Variants in UBR2 observed in about 807,000 individuals in gnomAD.
The protein encoded by UBR2 is E3 ubiquitin-protein ligase UBR2.
A neutral mutation model predicts 247.9 loss-of-function variants in UBR2; 92 were observed. The observed-to-expected ratio is 0.37, with a 90% CI of 0.31 to 0.44. The LOEUF is 0.44. Among genes scored for constraint, UBR2 ranks in the 20% least tolerant of loss-of-function variants. The pLI is 1.00. For synonymous variants in UBR2, 672 were observed against 693.5 expected, an observed-to-expected ratio of 0.97 and a Z score of 0.49; for missense variants, 1,613 against 2,112.6, an observed-to-expected ratio of 0.76 and a Z score of 4.64.
Position 42,611,103 on chromosome 6 carries a change from T to C in UBR2, c.865-1068T>C, listed in dbSNP as rs1794046447. On this transcript the variant is annotated intron_variant, in intron 7 of 46. Transcript: ENST00000372901. ...TCAGGTGATCCGCCTGCCTCAGCCTTCCAAAGTGCTGGGATTACAGGTGTG... is the reference window on the plus strand; with the variant it reads ...TCAGGTGATCCGCCTGCCTCAGCCTCCCAAAGTGCTGGGATTACAGGTGTG... 4.0e-5 allele frequency among the ~76,000 whole-genome samples: 6 copies of C among 148,276 alleles called. No homozygotes were observed. In the South Asian group the frequency reaches 1.3e-3, roughly 33 times the overall value.
At chr6:42,653,193 C>T (rs190915938) in intron 25 of UBR2, among the ~76,000 whole-genome samples, 150 of 151,802 alleles carry the variant, frequency 9.9e-4, no homozygotes, top group Non-Finnish European at 3.2e-4. Flanking sequence ...CAAGTGATCC[C>T]GCCACCTCAG....
At chr6:42,657,107 C>T (rs751222514) in intron 26 of UBR2, among the ~76,000 whole-genome samples, 2 of 151,694 alleles carry the variant, frequency 1.3e-5, no homozygotes, top group African/African-American at 2.4e-5. Context: ...TGGTGGCGGG[C>T]GCCTATAATC....
intron 1 of UBR2, among the ~76,000 whole-genome samples, chr6:42,571,736 CAA>C (rs55993422): frequency 0.038 from 3,122 of 82,172 alleles, 67 homozygotes; most frequent in African/African-American, 0.11. Flanking sequence ...GCACGAGACT[CAA>C]AAAAAAAAAA....
In UBR2 at chr6:42,662,194, T is replaced by C. The variant is rs1562375038; in HGVS notation, c.3453T>C (p.Asp1151=). Residue 1151 remains aspartate (D), a synonymous_variant, in exon 31 of 47, where the codon GAT becomes GAC. Transcript: ENST00000372901. ...TGTTTTGTAATGCAGAAAAATATGATCCATTATTCATGCACCCTGATCTGT... is the reference window on the plus strand; with the variant it reads ...TGTTTTGTAATGCAGAAAAATATGACCCATTATTCATGCACCCTGATCTGT... ...SKFIQDPEKY[D]PLFMHPDLSC... is the part of the protein sequence containing the mutation. 13 of 1,601,634 alleles carry C rather than the reference T, an allele frequency of 8.1e-6. No individual in the cohort carries two copies. Among genetic ancestry groups the C allele is most frequent in the Non-Finnish European group, 1.1e-5 (13 of 1,173,502 alleles).
intron 2 of UBR2, among the ~76,000 whole-genome samples, chr6:42,576,149 A>G (rs1791491427): frequency 6.6e-6 from 1 of 152,096 alleles, no homozygotes; most frequent in Non-Finnish European, 1.5e-5. Flanking sequence ...TTAGTGGAAA[A>G]TGGTGTTTAC....
intron 36 of UBR2, 109 bp downstream of exon 36, chr6:42,670,824 C>T (rs1798381408): frequency 3.8e-6 from 3 of 782,898 alleles, no homozygotes; most frequent in Non-Finnish European, 6.0e-6. Context: ...TCACTTCTTT[C>T]GTAGTAAAAA....
intron 2 of UBR2, among the ~76,000 whole-genome samples, chr6:42,587,907 C>A (rs1378345430): frequency 6.6e-6 from 1 of 151,958 alleles, no homozygotes; most frequent in Non-Finnish European, 1.5e-5. Flanking sequence ...AAAACACACT[C>A]TTTCTCTACA....
At chr6:42,670,609 T>C in intron 35 of UBR2, 51 bp from the exon 36 acceptor site, 1 of 1,300,220 alleles carries the variant, frequency 7.7e-7, no homozygotes, top group South Asian at 1.4e-5. Flanking sequence ...AAAATTATAT[T>C]AAAATATACA....
intron 2 of UBR2, among the ~76,000 whole-genome samples, chr6:42,574,230 CA>C (rs1791355384): frequency 1.3e-5 from 2 of 152,176 alleles, no homozygotes; most frequent in Admixed American, 6.5e-5. Flanking sequence ...TTCCTTCCCC[CA>C]TAATTAACTG....
intron 31 of UBR2, among the ~76,000 whole-genome samples, chr6:42,662,937 A>AAAC (rs555668668): frequency 1.3e-5 from 2 of 151,980 alleles, no homozygotes; most frequent in Non-Finnish European, 2.9e-5. Context: ...TCCATCTCAA[A>AAAC]AACAACAACA....
chr6:42,663,533 ACT>A (rs1797940271), intron 32 of UBR2, 114 bp downstream of exon 32: 3 of 1,085,904 alleles, frequency 2.8e-6, no homozygotes, highest in Non-Finnish European at 3.8e-6. Context: ...TTTTCCAGAT[ACT>A]TTCCAAACTC....
intron 2 of UBR2, among the ~76,000 whole-genome samples, chr6:42,589,338 A>C (rs1792507034): frequency 6.6e-6 from 1 of 152,206 alleles, no homozygotes; most frequent in Non-Finnish European, 1.5e-5. Context: ...TGATTTTCAG[A>C]TGTTGAGCCA....
At chr6:42,632,936 C>CTTTTTTTTTTTTT in intron 13 of UBR2, 32 bp downstream of exon 13, 2 of 920,006 alleles carry the variant, frequency 2.2e-6, no homozygotes, top group Non-Finnish European at 2.9e-6. Flanking sequence ...TTTCTTTTTC[C>CTTTTTTTTTTTTT]TTTTTTTTTT....
At position 42,592,172 on chromosome 6, in the gene UBR2, T is replaced by C. The variant is rs1792708055; in HGVS notation, c.360T>C (p.Thr120=). The change falls in exon 3 of 47, where the codon ACT becomes ACC. Residue 120 remains threonine (T), a synonymous_variant. Transcript: ENST00000372901. The part of the protein sequence containing the change: ...YSCRDCAVDP[T]CVLCMECFLG... ...ACAGAGACTGTGCAGTTGATCCAAC[T>C]TGTGTTTTGTGCATGGAGTGCTTTT... 1 of 1,603,552 alleles carries C rather than the reference T, an allele frequency of 6.2e-7. No individual in the cohort carries two copies. Among genetic ancestry groups the C allele is most frequent in the Non-Finnish European group, 8.5e-7 (1 of 1,177,178 alleles).
chr6:42,611,724 A>G (rs1432866146), intron 7 of UBR2, among the ~76,000 whole-genome samples: 4 of 151,140 alleles, frequency 2.6e-5, no homozygotes. Flanking sequence ...TGGCTAACAT[A>G]GTGAAACCCT....
chr6:42,627,662 G>A (rs1015961024), intron 11 of UBR2, among the ~76,000 whole-genome samples: 3 of 151,754 alleles, frequency 2.0e-5, no homozygotes, highest in Non-Finnish European at 4.4e-5. Context: ...TACACACCTG[G>A]CTAAGTTTTT....
intron 2 of UBR2, among the ~76,000 whole-genome samples, chr6:42,588,183 G>A (rs1172050093): frequency 6.6e-6 from 1 of 152,146 alleles, no homozygotes; most frequent in East Asian, 1.9e-4. Context: ...TCTTTGGGTT[G>A]GATTAAGTTG....
Position 42,614,439 on chromosome 6 carries a change from C to CGTACATATATACGTATATACGTATGTAT in UBR2, c.986-621_986-620insCGTATATACGTATGTATGTACATATATA, listed in dbSNP as rs1554250504. Among the ~76,000 whole-genome samples the CGTACATATATACGTATATACGTATGTAT allele has an allele frequency of 3.2e-3, 292 of 92,098 alleles. 11 individuals carry two copies. The highest frequency in any genetic ancestry group is 0.013 in the East Asian group (43 of 3,344). The allele number at this position is 92,098 out of a possible 152,430, so 60.4% of individuals were successfully genotyped here. On this transcript the variant is annotated intron_variant, in intron 8 of 46. Transcript: ENST00000372901. ...ACGTACGTACATATATATGTATGTACGTACATATATATGTATGGAACAAAT... is the reference window on the plus strand; with the variant it reads ...ACGTACGTACATATATATGTATGTACGTACATATATACGTATATACGTATGTATGTACATATATATGTATGGAACAAAT...
In UBR2 at chr6:42,605,775, T is replaced by C. The variant is rs17855250; in HGVS notation, c.717T>C (p.Tyr239=). Residue 239 remains tyrosine (Y), a synonymous_variant, in exon 6 of 47, where the codon TAT becomes TAC. Coordinates refer to ENST00000372901, the MANE Select transcript of UBR2 (RefSeq NM_001363705.2). ...TGTTTAATGATGAGGTTCACACCTATGAACAAGTTATTTATACTCTTCAGA... is the reference window on the plus strand; with the variant it reads ...TGTTTAATGATGAGGTTCACACCTACGAACAAGTTATTTATACTCTTCAGA... ...CMLFNDEVHT[Y]EQVIYTLQKA... 0.09 allele frequency: 144,703 copies of C among 1,612,574 alleles called. 7,261 individuals carry two copies. Among genetic ancestry groups the C allele is most frequent in the Middle Eastern group, 0.14 (858 of 6,048 alleles).
Sources: allele counts gnomAD v4.1 joint callset (sites outside exome capture counted in the v4.1 genomes callset), GRCh38; gene constraint gnomAD v4.1.1; transcripts MANE v1.5; gene names NCBI Gene and HGNC (gene_info 2026-07-23, HGNC 2026-07-21).